DNAAF10: variants seen among roughly 807,000 people sequenced by gnomAD.
The protein encoded by DNAAF10 is WD repeat domain 92.
In DNAAF10, 28 loss-of-function variants were observed where a neutral mutation model predicts 43.7. That is an observed-to-expected ratio of 0.64 (90% CI 0.48 to 0.88). DNAAF10 has a LOEUF of 0.88. Ranked by LOEUF, DNAAF10 falls within the 40% of genes least tolerant of loss-of-function variation. The probability of loss-of-function intolerance (pLI) is 0.00; values close to 1 mark genes in which losing one functional copy is unlikely to be tolerated. For missense variants in DNAAF10, 403 were observed against 439.1 expected (o/e 0.92, Z 0.73); for synonymous variants, 156 against 157.3 (o/e 0.99, Z 0.06).
intron 7 of DNAAF10, among the ~76,000 whole-genome samples, chr2:68,133,336 A>G (rs1672963945): frequency 6.6e-6 from 1 of 152,040 alleles, no homozygotes; most frequent in African/African-American, 2.4e-5. Flanking sequence ...TCCACCTCCC[A>G]GATTCAGGCA....
chr2:68,131,522 G>T (rs1373053755), intron 7 of DNAAF10, 77 bp from the exon 8 acceptor site: 1 of 1,355,358 alleles, frequency 7.4e-7, no homozygotes, highest in Middle Eastern at 1.9e-4. Flanking sequence ...ACACTTCAAT[G>T]ACTCTATTTC....
rs1291096895 is a variant in DNAAF10, at chr2:68,137,158, T to G, written c.768+141A>C. On this transcript the variant is annotated intron_variant, in intron 6 of 7. Transcript: ENST00000295121. ...GGAAGTACTCTTTGCACAGAAAAAC[T>G]TGTCAAGATCTCACAGGAATATATC... The G allele has an allele frequency of 5.4e-6, 5 of 922,348 alleles. No homozygotes were observed. The African/African-American group carries it at 6.9e-5, about 13-fold the overall frequency. 57.1% of individuals were successfully genotyped at this position (922,348 alleles called of 1,614,324 possible).
chr2:68,144,055 T>C (rs1328080641), intron 3 of DNAAF10, among the ~76,000 whole-genome samples: 3 of 152,184 alleles, frequency 2.0e-5, no homozygotes, highest in African/African-American at 7.2e-5. Context: ...TCTATTAAAG[T>C]CATGCAGTAC....
chr2:68,134,365 C>G, intron 7 of DNAAF10: 1 of 1,074,678 alleles, frequency 9.3e-7, no homozygotes, highest in Non-Finnish European at 1.1e-6. Context: ...TAAATTTAGG[C>G]AAGGAACCCT....
rs535969582 is a variant in DNAAF10, at chr2:68,155,813, G to A, written c.183+1448C>T. Among the ~76,000 whole-genome samples, 27 of 151,954 alleles carry A rather than the reference G, an allele frequency of 1.8e-4. 1 individual carries two copies. The highest frequency in any genetic ancestry group is 1.5e-3 in the Admixed American group (23 of 15,260). On this transcript the variant is annotated intron_variant, in intron 1 of 7. Transcript: ENST00000295121. ...GAACTGAACATTGGAATAGCAACAG[G>A]TAGCCAGGCTTGGTGGCTCACGCCT...
chr2:68,153,044 T>C (rs1572928436), intron 1 of DNAAF10, among the ~76,000 whole-genome samples: 1 of 152,178 alleles, frequency 6.6e-6, no homozygotes, highest in South Asian at 2.1e-4. Context: ...CCCTAGTCCA[T>C]ATGGTATCTT....
At chr2:68,148,387 A>G (rs893154269) in intron 1 of DNAAF10, among the ~76,000 whole-genome samples, 1 of 152,226 alleles carries the variant, frequency 6.6e-6, no homozygotes, top group Non-Finnish European at 1.5e-5. Context: ...GATGAATGAG[A>G]TTGGCCAGTC....
At chr2:68,134,884 A>G (rs1673003763) in intron 6 of DNAAF10, 85 bp from the exon 7 acceptor site, 2 of 1,446,906 alleles carry the variant, frequency 1.4e-6, no homozygotes, top group Non-Finnish European at 1.9e-6. Context: ...AACTCTTACA[A>G]CTATAATTTC....
chr2:68,138,843 G>C lies in DNAAF10; in HGVS notation c.532C>G (p.Gln178Glu), dbSNP rs1402768212. Reference protein sequence around the residue: ...WTVAFGNAYNQEERVVCAGYD... With the variant: ...WTVAFGNAYNEEERVVCAGYD... ...CCAGCACAAACAACACGTTCTTCTT[G>C]ATTATAAGCATTGCCTGGAAATCAA... The change falls in exon 5 of 8, where the codon CAA becomes GAA. Residue 178 changes from glutamine (Q) to glutamate (E), a missense_variant. Physicochemically the swap from Gln to Glu is conservative, Grantham distance 29 (BLOSUM62 2). Transcript: ENST00000295121. 6.2e-7 allele frequency: 1 copy of C among 1,612,668 alleles called. No homozygotes were observed. Among genetic ancestry groups the C allele is most frequent in the African/African-American group, 1.3e-5 (1 of 74,872 alleles).
intron 3 of DNAAF10, among the ~76,000 whole-genome samples, chr2:68,144,089 GC>G (rs1673254769): frequency 1.3e-5 from 2 of 152,178 alleles, no homozygotes; most frequent in South Asian, 4.1e-4. Flanking sequence ...AAAAGACCTG[GC>G]CCTTGTTGGT....
chr2:68,139,811 AAAAAAG>A (rs1673134430), intron 4 of DNAAF10, among the ~76,000 whole-genome samples: 1 of 151,988 alleles, frequency 6.6e-6, no homozygotes, highest in African/African-American at 2.4e-5. Context: ...CTCAAAAAAA[AAAAAAG>A]AAAAGAAAAT....
At chr2:68,155,352 G>A (rs1673569174) in intron 1 of DNAAF10, among the ~76,000 whole-genome samples, 1 of 151,712 alleles carries the variant, frequency 6.6e-6, no homozygotes, top group Admixed American at 6.6e-5. Context: ...AAATTAGTTG[G>A]GCGTGGTAGC....
chr2:68,153,856 A>C (rs1385297520), intron 1 of DNAAF10, among the ~76,000 whole-genome samples: 1 of 140,716 alleles, frequency 7.1e-6, no homozygotes. Flanking sequence ...GGTTCAAGTG[A>C]TTCTCGTGCC....
chr2:68,137,727 C>T (rs1018886186), intron 5 of DNAAF10, among the ~76,000 whole-genome samples: 4 of 151,878 alleles, frequency 2.6e-5, no homozygotes, highest in Non-Finnish European at 5.9e-5. Flanking sequence ...ATTAGCCAGG[C>T]GTGGTGGCGT....
At chr2:68,155,921 AC>A (rs768745350) in intron 1 of DNAAF10, among the ~76,000 whole-genome samples, 1 of 151,992 alleles carries the variant, frequency 6.6e-6, no homozygotes, top group South Asian at 2.1e-4. Flanking sequence ...ACACGGTGAA[AC>A]CCCATCTCTA....
intron 7 of DNAAF10, 60 bp from the exon 8 acceptor site, chr2:68,131,505 T>C (rs1271696402): frequency 6.5e-7 from 1 of 1,528,180 alleles, no homozygotes; most frequent in African/African-American, 1.4e-5. Flanking sequence ...ATTTTATTTT[T>C]ATACATACAC....
intron 4 of DNAAF10, among the ~76,000 whole-genome samples, chr2:68,141,262 G>T (rs1200567754): frequency 6.6e-6 from 1 of 152,148 alleles, no homozygotes; most frequent in Admixed American, 6.5e-5. Context: ...GATTTGTTAG[G>T]TAACTGTTTG....
At chr2:68,140,905 CAAT>C (rs1673162016) in intron 4 of DNAAF10, among the ~76,000 whole-genome samples, 1 of 152,176 alleles carries the variant, frequency 6.6e-6, no homozygotes, top group Non-Finnish European at 1.5e-5. Context: ...AACAATACAA[CAAT>C]GACTGACACA....
At chr2:68,149,948 T>G (rs938209081) in intron 1 of DNAAF10, among the ~76,000 whole-genome samples, 12 of 152,190 alleles carry the variant, frequency 7.9e-5, no homozygotes, top group Non-Finnish European at 4.4e-5. Flanking sequence ...TGTGAAGAAC[T>G]TGCATCATCT....
Sources: gnomAD v4.1 joint callset for allele counts (sites outside exome capture counted in the v4.1 genomes callset) on GRCh38, gnomAD v4.1.1 for gene constraint, MANE v1.5 for transcripts, NCBI Gene and HGNC (gene_info 2026-07-23, HGNC 2026-07-21) for gene names.